The following CHD8 variants were observed in gnomAD, a reference collection of about 807,000 sequenced individuals.
The protein encoded by CHD8 is ATP-dependent chromatin remodeler CHD8.
A neutral mutation model predicts 279.2 loss-of-function variants in CHD8; 31 were observed. That is an observed-to-expected ratio of 0.11 (90% CI 0.08 to 0.15). The LOEUF (loss-of-function observed/expected upper bound fraction) is 0.15. Among genes scored for constraint, CHD8 ranks in the 10% least tolerant of loss-of-function variants. The probability of loss-of-function intolerance (pLI) is 1.00; values close to 1 mark genes in which losing one functional copy is unlikely to be tolerated. For missense variants in CHD8, 2,146 were observed against 3,230.5 expected (o/e 0.66, Z 8.14); for synonymous variants, 1,081 against 1,139.6 (o/e 0.95, Z 1.04).
At position 21,402,286 on chromosome 14, in the gene CHD8, T is replaced by G. The variant is rs751318776; in HGVS notation, c.3882+50A>C. On this transcript the variant is annotated intron_variant, in intron 19 of 37. Transcript: ENST00000646647. The surrounding 1 kb of genome is among the most constrained non-coding windows in gnomAD (Gnocchi z 4.5). ...TGTGTACAAATAGCTTTTGTTTCCC[T>G]CTATCACAATGATCTACTACAAACT... 1.9e-6 allele frequency: 3 copies of G among 1,597,952 alleles called. No homozygotes were observed. The highest frequency in any genetic ancestry group is 3.3e-5 in the Admixed American group (2 of 59,920).
intron 34 of CHD8, 100 bp from the exon 35 acceptor site, chr14:21,392,046 C>T: frequency 1.2e-6 from 1 of 866,314 alleles, no homozygotes; most frequent in Non-Finnish European, 2.0e-6. Flanking sequence ...ATCCTCTTGC[C>T]CAATGATGGT....
chr14:21,412,168 G>A (rs199735851), intron 10 of CHD8, among the ~76,000 whole-genome samples: 1 of 151,480 alleles, frequency 6.6e-6, no homozygotes, highest in African/African-American at 2.4e-5. Flanking sequence ...TTTTTTAGAC[G>A]GAGTCTCACT....
Position 21,403,151 on chromosome 14 carries a change from G to A in CHD8, c.3580C>T (p.Arg1194Cys), listed in dbSNP as rs1888106378. The change falls in exon 18 of 38, where the codon CGC becomes TGC. Residue 1194 changes from arginine to cysteine, a missense_variant. By Grantham distance (180) the Arg-to-Cys change is radical. Transcript: ENST00000646647. The surrounding 1 kb of genome is among the most constrained non-coding windows in gnomAD (Gnocchi z 4.3). ...CGGTCTGAGTCAGGCTTGCTGAAGC[G>A]GTCAATGGCAGCCTGTCGAAGGTTG... ...RGNLRQAAID[R>C]FSKPDSDRFV... 6.2e-7 allele frequency: 1 copy of A among 1,613,974 alleles called. No individual in the cohort carries two copies. Among genetic ancestry groups the A allele is most frequent in the Non-Finnish European group, 8.5e-7 (1 of 1,179,886 alleles).
Position 21,391,517 on chromosome 14 carries a change from C to A in CHD8, c.7011G>T (p.Leu2337=), listed in dbSNP as rs978442314. Residue 2337 remains leucine (L), a synonymous_variant, in exon 36 of 38, where the codon CTG becomes CTT. Transcript: ENST00000646647. Reference sequence around the variant, plus strand: ...CTGGATGACCCTGTAACCACATCTCCAGTTCAGCCCGGCGAGGGGCATCCT... The same window carrying A: ...CTGGATGACCCTGTAACCACATCTCAAGTTCAGCCCGGCGAGGGGCATCCT... ...VGEDAPRRAE[L]EMWLQGHPEF... is the part of the protein sequence containing the mutation. 1.2e-6 allele frequency: 2 copies of A among 1,613,820 alleles called. No homozygotes were observed. Among genetic ancestry groups the A allele is most frequent in the African/African-American group, 2.7e-5 (2 of 74,918 alleles).
In CHD8 at chr14:21,405,383, G is replaced by C. The variant is rs377570380; in HGVS notation, c.3133C>G (p.Gln1045Glu). The C allele has an allele frequency of 1.9e-6, 3 of 1,600,098 alleles. No individual in the cohort carries two copies. Among genetic ancestry groups the C allele is most frequent in the Non-Finnish European group, 1.7e-6 (2 of 1,172,450 alleles). Reference sequence around the variant, plus strand: ...AGCTCTACTTCAATAATTGTTTCCTGTTTGGGTGCCAAGTTTTTTTCAACA... The same window carrying C: ...AGCTCTACTTCAATAATTGTTTCCTCTTTGGGTGCCAAGTTTTTTTCAACA... The part of the protein sequence containing the change: ...EDVEKNLAPK[Q>E]ETIIEVELTN... The change falls in exon 16 of 38, where the codon CAG becomes GAG. Residue 1045 changes from glutamine to glutamate, a missense_variant. By Grantham distance (29) the Gln-to-Glu change is conservative. Around this residue, in one of 26 missense-constraint regions of CHD8, gnomAD observed 211 missense variants for 464.7 expected, o/e 0.45. Transcript: ENST00000646647. This position sits in a 1 kb window ranked among gnomAD's most constrained non-coding sequence, Gnocchi z 4.2.
At chr14:21,438,512 TAAAAAAAAAAA>T (rs559681631) in intron 1 of CHD8, among the ~76,000 whole-genome samples, 5 of 112,508 alleles carry the variant, frequency 4.4e-5, no homozygotes, top group African/African-American at 1.4e-4. Context: ...CCTAGTCTCT[TAAAAAAAAAAA>T]AAAAAAAAGA....
rs769311687 is a variant in CHD8 at position 21,392,545 on chromosome 14, C to T, written c.6733G>A (p.Gly2245Ser). 13 of 1,613,118 alleles carry T rather than the reference C, an allele frequency of 8.1e-6. No individual in the cohort carries two copies. The highest frequency in any genetic ancestry group is 3.3e-5 in the Admixed American group (2 of 60,014). Reference sequence around the variant, plus strand: ...ACTGTAAACTCCTTTTCATCCATGCCTCGGCGAAGTTTGGTGAACTGGGCT... The same window carrying T: ...ACTGTAAACTCCTTTTCATCCATGCTTCGGCGAAGTTTGGTGAACTGGGCT... ...AAAQFTKLRR[G>S]MDEKEFTVQI... Residue 2245 changes from glycine to serine, a missense_variant, in exon 34 of 38, where the codon GGC (glycine) becomes AGC (serine). Transcript: ENST00000646647.
intron 1 of CHD8, chr14:21,436,808 T>C (rs1447882969): frequency 4.5e-6 from 2 of 443,544 alleles, no homozygotes; most frequent in Non-Finnish European, 8.3e-6. Context: ...TCTGCACTCA[T>C]GAAAAAAGGG....
At chr14:21,434,857 T>C (rs1212865193) in intron 1 of CHD8, among the ~76,000 whole-genome samples, 1 of 152,196 alleles carries the variant, frequency 6.6e-6, no homozygotes, top group Non-Finnish European at 1.5e-5. Context: ...CTTCTACTAC[T>C]ACTTGTGGGT....
chr14:21,421,165 C>T (rs1247482052), intron 5 of CHD8, among the ~76,000 whole-genome samples: 1 of 152,116 alleles, frequency 6.6e-6, no homozygotes, highest in East Asian at 1.9e-4. Flanking sequence ...AATCATGACC[C>T]ACTTACCATT....
chr14:21,407,174 C>T, intron 13 of CHD8, 142 bp from the exon 14 acceptor site: 3 of 641,102 alleles, frequency 4.7e-6, no homozygotes, highest in Non-Finnish European at 7.9e-6. Flanking sequence ...TGTTTATCTT[C>T]CTGAAAAATA....
intron 26 of CHD8, chr14:21,398,970 G>A (rs1887912890): frequency 2.3e-6 from 1 of 426,856 alleles, no homozygotes; most frequent in Non-Finnish European, 4.7e-6. Flanking sequence ...CATCACCCTT[G>A]AGGTCCAGCC....
chr14:21,433,635 CAA>C (rs1889654943), intron 1 of CHD8, among the ~76,000 whole-genome samples: 1 of 152,086 alleles, frequency 6.6e-6, no homozygotes, highest in Admixed American at 6.5e-5. Flanking sequence ...CCAAAACAGA[CAA>C]AGAGAACAAA....
chr14:21,399,627 C>T lies in CHD8; in HGVS notation c.4896G>A (p.Ser1632=), dbSNP rs151289731. The change falls in exon 26 of 38, where the codon TCG becomes TCA. Residue 1632 remains serine (S), a synonymous_variant. Coordinates refer to ENST00000646647, the MANE Select transcript of CHD8 (RefSeq NM_001170629.2). The part of the protein sequence containing the change: ...TTWWDSEADK[S]LLIGVFKHGY... ...CATGTTTAAAGACTCCAATGAGCAG[C>T]GACTTGTCAGCCTCACTGTCCCACC... The T allele has an allele frequency of 4.2e-5, 68 of 1,613,334 alleles. No individual in the cohort carries two copies. The highest frequency in any genetic ancestry group is 2.3e-4 in the African/African-American group (17 of 75,026).
chr14:21,433,300 T>C (rs971730129), intron 1 of CHD8, among the ~76,000 whole-genome samples: 7 of 152,152 alleles, frequency 4.6e-5, no homozygotes, highest in African/African-American at 1.7e-4. Context: ...ACAAAATCCA[T>C]GTCTAGGGTT....
In CHD8 at chr14:21,429,263, C is replaced by A; in HGVS notation, c.916G>T (p.Val306Leu). 6.2e-7 allele frequency: 1 copy of A among 1,612,186 alleles called. No homozygotes were observed. ...ATCTTGCCTGGTAGACTCCCTAGCACAACATGCCGATGTCCTTGGGGACCT... is the reference window on the plus strand; with the variant it reads ...ATCTTGCCTGGTAGACTCCCTAGCAAAACATGCCGATGTCCTTGGGGACCT... ...SGGPQGHRHV[V>L]LGSLPGKIVL... is the part of the protein sequence containing the mutation. The change falls in exon 3 of 38, where the codon GTG (valine) becomes TTG (leucine). Residue 306 changes from valine to leucine, a missense_variant. Around this residue, in one of 26 missense-constraint regions of CHD8, gnomAD observed 170 missense variants for 189.9 expected, o/e 0.90. Transcript: ENST00000646647.
chr14:21,420,421 A>G (rs991968074), intron 5 of CHD8, among the ~76,000 whole-genome samples: 1 of 152,222 alleles, frequency 6.6e-6, no homozygotes. Flanking sequence ...GGGCAGGACT[A>G]GAGTGGAAGT....
In CHD8 at chr14:21,405,936, T is replaced by C; in HGVS notation, c.2908-72A>G. The C allele has an allele frequency of 1.6e-6, 2 of 1,228,308 alleles. No homozygotes were observed. The highest frequency in any genetic ancestry group is 3.9e-4 in the Middle Eastern group (2 of 5,096). The allele number at this position is 1,228,308 out of a possible 1,614,324, so 76.1% of individuals were successfully genotyped here. ...CTTCTGGGGTTTCCTATCAAGTATA[T>C]AATCTTTAACATATATAACCTTTAA... is the stretch of plus-strand genomic sequence containing the variant. On this transcript the variant is annotated intron_variant, in intron 14 of 37. Transcript: ENST00000646647. The surrounding 1 kb of genome is among the most constrained non-coding windows in gnomAD (Gnocchi z 4.2).
At chr14:21,395,957 G>T in intron 27 of CHD8, 65 bp from the exon 28 acceptor site, 2 of 1,018,420 alleles carry the variant, frequency 2.0e-6, no homozygotes, top group Non-Finnish European at 1.5e-6. Context: ...GGGAACCTAG[G>T]ATGAAGACCT....
Sources: gnomAD v4.1 joint callset for allele counts (sites outside exome capture counted in the v4.1 genomes callset) on GRCh38, gnomAD v4.1.1 for gene constraint, gnomAD v4.1.1 regional missense constraint, Gnocchi (gnomAD v3.1) non-coding constraint, MANE v1.5 for transcripts, NCBI Gene and HGNC (gene_info 2026-07-23, HGNC 2026-07-21) for gene names.